SAMD12: variants seen among roughly 807,000 people sequenced by gnomAD.
SAMD12 encodes sterile alpha motif domain containing 12, also known as sterile alpha motif domain-containing protein 12.
SAMD12 carries 9 observed loss-of-function variants against 15.0 expected under a neutral mutation model. The ratio of observed to expected loss-of-function variants is 0.60; its 90% CI spans 0.36 to 1.05. The LOEUF (loss-of-function observed/expected upper bound fraction) is 1.05, where lower values mean the gene tolerates loss of function less well. Ranked by LOEUF, SAMD12 falls within the 50% of genes least tolerant of loss-of-function variation. The pLI is 0.01. For missense variants in SAMD12, 230 were observed against 234.2 expected (o/e 0.98, Z 0.12); for synonymous variants, 86 against 90.1 (o/e 0.96, Z 0.25).
At chr8:118,409,551 AT>A (rs926836848) in intron 3 of SAMD12, among the ~76,000 whole-genome samples, 1 of 152,030 alleles carries the variant, frequency 6.6e-6, no homozygotes, top group African/African-American at 2.4e-5. Flanking sequence ...GTATATTAAA[AT>A]TTATTTACTT....
chr8:118,556,685 C>T (rs1826541055), intron 2 of SAMD12, among the ~76,000 whole-genome samples: 1 of 152,280 alleles, frequency 6.6e-6, no homozygotes, highest in Non-Finnish European at 1.5e-5. Flanking sequence ...GACATGGGGG[C>T]TGGGTGCGGT....
At chr8:118,247,533 T>A (rs28370855) in intron 4 of SAMD12, among the ~76,000 whole-genome samples, 1,876 of 152,152 alleles carry the variant, frequency 0.012, 49 homozygotes, top group African/African-American at 0.043. Flanking sequence ...ATTACATAAA[T>A]ATATACAATT....
In SAMD12 at chr8:118,580,942, G is replaced by A; in HGVS notation, c.14-49C>T. ...CTCAGAAAACAAACCACATAAAGAA[G>A]GTGTCCATGACAGAAAATATTCATC... On this transcript the variant is annotated intron_variant, in intron 1 of 3. Transcript: ENST00000314727. 2.8e-6 allele frequency: 4 copies of A among 1,450,774 alleles called. No homozygotes were observed. The African/African-American group carries it at 4.3e-5, about 16-fold the overall frequency. The allele number at this position is 1,450,774 out of a possible 1,614,324, so 89.9% of individuals were successfully genotyped here. A position where few individuals can be genotyped will look rare whatever the true frequency, so the allele number is the denominator to read the frequency against.
At chr8:118,381,210 G>T (rs534522510) in intron 3 of SAMD12, among the ~76,000 whole-genome samples, 1 of 152,304 alleles carries the variant, frequency 6.6e-6, no homozygotes, top group South Asian at 2.1e-4. Flanking sequence ...GAGGAAGTGA[G>T]TTCTTGGATG....
intron 2 of SAMD12, among the ~76,000 whole-genome samples, chr8:118,501,949 G>A (rs1000179123): frequency 4.0e-5 from 6 of 151,888 alleles, no homozygotes; most frequent in African/African-American, 1.5e-4. Flanking sequence ...CCCGTTGGGG[G>A]GCGGAGCTTG....
chr8:118,243,564 C>T (rs564822818), intron 4 of SAMD12, among the ~76,000 whole-genome samples: 104 of 152,138 alleles, frequency 6.8e-4, no homozygotes, highest in African/African-American at 2.3e-3. Context: ...GGTGCTGGCA[C>T]GGGATATAAC....
intron 2 of SAMD12, among the ~76,000 whole-genome samples, chr8:118,548,081 T>G (rs1261971053): frequency 6.6e-6 from 1 of 151,966 alleles, no homozygotes; most frequent in Non-Finnish European, 1.5e-5. Flanking sequence ...TCTCAACTCA[T>G]GAAGAAATTA....
intron 2 of SAMD12, among the ~76,000 whole-genome samples, chr8:118,517,806 A>T (rs997455582): frequency 5.3e-5 from 8 of 152,170 alleles, no homozygotes; most frequent in Non-Finnish European, 1.0e-4. Flanking sequence ...TTTGGTTGCA[A>T]CTCAGCCACC....
chr8:118,556,808 C>T (rs574922001), intron 2 of SAMD12, among the ~76,000 whole-genome samples: 7 of 151,726 alleles, frequency 4.6e-5, no homozygotes, highest in Admixed American at 4.6e-4. Flanking sequence ...ACTAAAGATA[C>T]AAAAAATTGG....
chr8:118,411,481 T>C (rs1054349232), intron 3 of SAMD12, among the ~76,000 whole-genome samples: 1 of 152,176 alleles, frequency 6.6e-6, no homozygotes, highest in African/African-American at 2.4e-5. Context: ...CATTGATCAT[T>C]CTAGTAAAAA....
intron 2 of SAMD12, among the ~76,000 whole-genome samples, chr8:118,565,021 C>A (rs1826808175): frequency 6.6e-6 from 1 of 152,196 alleles, no homozygotes; most frequent in African/African-American, 2.4e-5. Context: ...ACTAGTCGTT[C>A]TGGGAGATTG....
At chr8:118,502,019 C>T in intron 2 of SAMD12, among the ~76,000 whole-genome samples, 1 of 80,510 alleles carries the variant, frequency 1.2e-5, no homozygotes, top group South Asian at 4.0e-4. Context: ...GACTCCGTCT[C>T]AAAAAAAAAA....
At chr8:118,142,148 G>C in the SAMD12 span, among the ~76,000 whole-genome samples, 1 of 152,040 alleles carries the variant, frequency 6.6e-6, no homozygotes. Flanking sequence ...TCAGAGGGAG[G>C]CTGTGCATCT....
At chr8:118,531,472 T>C (rs1825682891) in intron 2 of SAMD12, among the ~76,000 whole-genome samples, 1 of 152,216 alleles carries the variant, frequency 6.6e-6, no homozygotes, top group African/African-American at 2.4e-5. Flanking sequence ...AAGAAAGTCA[T>C]TGATAGCTTG....
At chr8:118,341,822 TA>T (rs1347180026) in intron 4 of SAMD12, among the ~76,000 whole-genome samples, 1 of 152,258 alleles carries the variant, frequency 6.6e-6, no homozygotes. Context: ...TTTAAATTTT[TA>T]AAACAGAAGA....
intron 4 of SAMD12, among the ~76,000 whole-genome samples, chr8:118,225,087 C>T (rs531970080): frequency 2.0e-5 from 3 of 152,258 alleles, no homozygotes; most frequent in African/African-American, 7.2e-5. Context: ...TTGTTGCATC[C>T]TCTCCTGCCC....
intron 4 of SAMD12, among the ~76,000 whole-genome samples, chr8:118,294,396 AAAGTT>A (rs1245834737): frequency 6.6e-6 from 1 of 152,246 alleles, no homozygotes; most frequent in Non-Finnish European, 1.5e-5. Flanking sequence ...AATGGAACAT[AAAGTT>A]AATTGTTTCA....
intron 2 of SAMD12, among the ~76,000 whole-genome samples, chr8:118,499,061 C>A (rs111894426): frequency 2.6e-5 from 4 of 152,340 alleles, no homozygotes; most frequent in African/African-American, 9.6e-5. Flanking sequence ...ACCCCCACAT[C>A]TGTACGACTT....
intron 4 of SAMD12, among the ~76,000 whole-genome samples, chr8:118,348,420 GAGTGCAGTGGTGTGACGTCCGCTC>G (rs1817775441): frequency 6.6e-6 from 1 of 150,602 alleles, no homozygotes; most frequent in Non-Finnish European, 1.5e-5. Context: ...GCCTAGGCTG[GAGTGCAGTGGTGTGACGTCCGCTC>G]ACCGCAAGCT....
Sources: allele counts gnomAD v4.1 joint callset (sites outside exome capture counted in the v4.1 genomes callset), GRCh38; gene constraint gnomAD v4.1.1; transcripts MANE v1.5; gene names NCBI Gene and HGNC (gene_info 2026-07-23, HGNC 2026-07-21).